DIP2B: variants seen among roughly 807,000 people sequenced by gnomAD.
The protein encoded by DIP2B is disco-interacting protein 2 homolog B.
Under a neutral mutation model 198.0 loss-of-function variants are expected in DIP2B, and 76 were observed. The ratio of observed to expected loss-of-function variants is 0.38; its 90% CI spans 0.32 to 0.46. DIP2B has a LOEUF of 0.46. Among genes scored for constraint, DIP2B ranks in the 20% least tolerant of loss-of-function variants. The probability of loss-of-function intolerance (pLI) is 0.99; values close to 1 mark genes in which losing one functional copy is unlikely to be tolerated. For missense variants in DIP2B, 1,559 were observed against 1,978.4 expected (o/e 0.79, Z 4.02); for synonymous variants, 701 against 739.1 (o/e 0.95, Z 0.84).
chr12:50,737,857 G>C (rs1940165847), intron 35 of DIP2B, among the ~76,000 whole-genome samples: 1 of 152,120 alleles, frequency 6.6e-6, no homozygotes, highest in Non-Finnish European at 1.5e-5. Context: ...CAAAATACTA[G>C]GATTACAGGC....
At chr12:50,604,037 T>A (rs568092118) in intron 1 of DIP2B, among the ~76,000 whole-genome samples, 3 of 152,168 alleles carry the variant, frequency 2.0e-5, no homozygotes, top group Admixed American at 1.3e-4. Context: ...TTTCTTGCAT[T>A]GTTTTGCATC....
chr12:50,731,315 C>T, intron 30 of DIP2B, 54 bp from the exon 31 acceptor site: 1 of 1,585,230 alleles, frequency 6.3e-7, no homozygotes, highest in Non-Finnish European at 8.6e-7. Flanking sequence ...GGTTCTGAAG[C>T]ATCAGGTATC....
chr12:50,658,922 A>G (rs1386305859), intron 3 of DIP2B, among the ~76,000 whole-genome samples: 1 of 152,096 alleles, frequency 6.6e-6, no homozygotes, highest in Non-Finnish European at 1.5e-5. Context: ...CCCCACCTCT[A>G]CTAAAAATGC....
intron 1 of DIP2B, among the ~76,000 whole-genome samples, chr12:50,603,467 G>A (rs1490413861): frequency 6.6e-6 from 1 of 152,072 alleles, no homozygotes. Context: ...TGGCCAGTAC[G>A]GTGGCTCATG....
chr12:50,576,258 G>A (rs745852649), intron 1 of DIP2B, among the ~76,000 whole-genome samples: 1 of 151,072 alleles, frequency 6.6e-6, no homozygotes, highest in Non-Finnish European at 1.5e-5. Context: ...TAGTAGAGAC[G>A]GTTTCTCCAT....
chr12:50,648,150 G>A (rs1464318674), intron 3 of DIP2B, among the ~76,000 whole-genome samples: 1 of 151,782 alleles, frequency 6.6e-6, no homozygotes, highest in Non-Finnish European at 1.5e-5. Context: ...CAAAAGAATA[G>A]GAGCAGCTAC....
In DIP2B at chr12:50,687,899, TA is replaced by T. The variant is rs546984188; in HGVS notation, c.1551+1232del. 9.6e-3 allele frequency among the ~76,000 whole-genome samples: 1,282 copies of T among 133,306 alleles called. 6 individuals carry two copies. The highest frequency in any genetic ancestry group is 0.012 in the Non-Finnish European group (745 of 60,946). 87.5% of individuals were successfully genotyped at this position (133,306 alleles called of 152,430 possible). The stretch of plus-strand genomic sequence containing the variant: ...GTGTCCCAGAACTTAAAAGTAAAAT[TA>T]AAAAAAAAAAAAAATAGAAAAGAGA... On this transcript the variant is annotated intron_variant, in intron 12 of 37. Coordinates refer to ENST00000301180, the MANE Select transcript of DIP2B (RefSeq NM_173602.3).
chr12:50,547,259 G>A (rs1958385933), intron 1 of DIP2B, among the ~76,000 whole-genome samples: 1 of 152,142 alleles, frequency 6.6e-6, no homozygotes, highest in Non-Finnish European at 1.5e-5. Flanking sequence ...ATATTTCTGG[G>A]AAGTAATTGA....
At chr12:50,573,925 T>C (rs563260220) in intron 1 of DIP2B, among the ~76,000 whole-genome samples, 10 of 152,360 alleles carry the variant, frequency 6.6e-5, no homozygotes, top group Admixed American at 2.6e-4. Flanking sequence ...CATTTCAAGA[T>C]AAGTATATTT....
At chr12:50,607,919 G>C (rs938616809) in intron 1 of DIP2B, among the ~76,000 whole-genome samples, 3 of 152,142 alleles carry the variant, frequency 2.0e-5, no homozygotes, top group Non-Finnish European at 4.4e-5. Flanking sequence ...TTAGCCTTCT[G>C]AGTAGCTGGG....
rs1491315492 is a variant in DIP2B at position 50,559,710 on chromosome 12, C to CACACACACACAT, written c.100+54481_100+54482insTACACACACACA. Among the ~76,000 whole-genome samples the CACACACACACAT allele has an allele frequency of 3.1e-3, 6 of 1,942 alleles. No individual in the cohort carries two copies. In the Non-Finnish European group the frequency reaches 0.074, roughly 24 times the overall value. 1.3% of individuals were successfully genotyped at this position (1,942 alleles called of 152,430 possible). A position where few individuals can be genotyped will look rare whatever the true frequency, so the allele number is the denominator to read the frequency against. ...GCACTGTAGCCTCAGTGACAGAAACCACACACACACACACACACACACACA... is the reference window on the plus strand; with the variant it reads ...GCACTGTAGCCTCAGTGACAGAAACCACACACACACATACACACACACACACACACACACACA... On this transcript the variant is annotated intron_variant, in intron 1 of 37. Transcript: ENST00000301180.
Position 50,744,971 on chromosome 12 carries a change from G to A in DIP2B, c.*132G>A, listed in dbSNP as rs1228927184. On this transcript the variant is annotated 3_prime_UTR_variant, in exon 38 of 38. Transcript: ENST00000301180. ...ATGATATTCTTCATCTCATCCTGTG[G>A]GATTCTGCAATCATAAAACACAGGA... The A allele has an allele frequency of 8.8e-7, 1 of 1,137,832 alleles. No individual in the cohort carries two copies. The highest frequency in any genetic ancestry group is 1.2e-6 in the Non-Finnish European group (1 of 814,930). 70.5% of individuals were successfully genotyped at this position (1,137,832 alleles called of 1,614,324 possible). A position where few individuals can be genotyped will look rare whatever the true frequency, so the allele number is the denominator to read the frequency against.
chr12:50,594,096 A>G (rs1220405350), intron 1 of DIP2B, among the ~76,000 whole-genome samples: 1 of 149,736 alleles, frequency 6.7e-6, no homozygotes, highest in Non-Finnish European at 1.5e-5. Context: ...GTTTGCCACC[A>G]TGCTCTGCTA....
At chr12:50,663,011 A>AG (rs1414606059) in intron 4 of DIP2B, among the ~76,000 whole-genome samples, 1 of 152,202 alleles carries the variant, frequency 6.6e-6, no homozygotes, top group Non-Finnish European at 1.5e-5. Flanking sequence ...CAGGAGGCTG[A>AG]GGCAGGGGAA....
chr12:50,663,515 C>A (rs1019445442), intron 4 of DIP2B, among the ~76,000 whole-genome samples: 2 of 151,080 alleles, frequency 1.3e-5, no homozygotes, highest in Admixed American at 6.6e-5. Flanking sequence ...GAGACCGCGC[C>A]ACTGCATTCC....
intron 3 of DIP2B, among the ~76,000 whole-genome samples, chr12:50,647,989 C>T (rs1938379728): frequency 6.6e-6 from 1 of 152,100 alleles, no homozygotes; most frequent in Admixed American, 6.5e-5. Context: ...GCCTGTAGTA[C>T]CAGCTATGCG....
intron 2 of DIP2B, among the ~76,000 whole-genome samples, chr12:50,627,245 A>G (rs1479920872): frequency 6.6e-6 from 1 of 152,264 alleles, no homozygotes; most frequent in African/African-American, 2.4e-5. Flanking sequence ...AGCAAGAGGT[A>G]TAACTGTAAA....
chr12:50,654,712 A>G (rs879324620), intron 3 of DIP2B, among the ~76,000 whole-genome samples: 3 of 152,210 alleles, frequency 2.0e-5, no homozygotes, highest in Non-Finnish European at 2.9e-5. Context: ...GCCAAGTGAC[A>G]TGAACATTCA....
chr12:50,535,193 C>T (rs534338371), intron 1 of DIP2B, among the ~76,000 whole-genome samples: 12 of 152,044 alleles, frequency 7.9e-5, no homozygotes, highest in African/African-American at 2.4e-4. Context: ...GATTATGCCA[C>T]GGCACTCCAG....
Sources: allele counts gnomAD v4.1 joint callset (sites outside exome capture counted in the v4.1 genomes callset), GRCh38; gene constraint gnomAD v4.1.1; transcripts MANE v1.5; gene names NCBI Gene and HGNC (gene_info 2026-07-23, HGNC 2026-07-21).